RCBTB2: variants seen among roughly 807,000 people sequenced by gnomAD.
The protein encoded by RCBTB2 is RCC1 and BTB domain-containing protein 2.
Under a neutral mutation model 65.4 loss-of-function variants are expected in RCBTB2, and 55 were observed. The ratio of observed to expected loss-of-function variants is 0.84; its 90% CI spans 0.68 to 1.05. The LOEUF (loss-of-function observed/expected upper bound fraction) is 1.05, where lower values mean the gene tolerates loss of function less well. RCBTB2 is among the 50% of genes least tolerant of loss of function. RCBTB2 has a pLI of 0.00. For missense variants in RCBTB2, 599 were observed against 680.1 expected (o/e 0.88, Z 1.33); for synonymous variants, 220 against 255.2 (o/e 0.86, Z 1.31).
At chr13:48,499,142 A>ACTCT (rs568053175) in intron 13 of RCBTB2, among the ~76,000 whole-genome samples, 1,581 of 132,216 alleles carry the variant, frequency 0.012, 17 homozygotes, top group Middle Eastern at 0.029. Context: ...ACACACACAC[A>ACTCT]CTCTCTCTCT....
Position 48,515,213 on chromosome 13 carries a change from G to A in RCBTB2, c.341C>T (p.Ala114Val), listed in dbSNP as rs1566305855. ...TGGGGTTCCTAGGTTACCTGTTGTT[G>A]CAAGGACAATATGTGGACCACTCCC... The part of the protein sequence containing the change: ...SYGSGPHIVL[A>V]TTEGEVFTWG... Residue 114 changes from alanine to valine, a missense_variant, in exon 6 of 15, where the codon GCA becomes GTA. Transcript: ENST00000344532. 6.2e-7 allele frequency: 1 copy of A among 1,612,548 alleles called. No individual in the cohort carries two copies. Among genetic ancestry groups the A allele is most frequent in the Non-Finnish European group, 8.5e-7 (1 of 1,179,498 alleles).
chr13:48,496,468 A>C, intron 13 of RCBTB2, 147 bp from the exon 14 acceptor site: 1 of 723,086 alleles, frequency 1.4e-6, no homozygotes, highest in Non-Finnish European at 2.0e-6. Flanking sequence ...ACTGACACTT[A>C]CACTTCAGTG....
At chr13:48,506,626 G>C (rs981312999) in intron 10 of RCBTB2, among the ~76,000 whole-genome samples, 1 of 152,180 alleles carries the variant, frequency 6.6e-6, no homozygotes, top group Non-Finnish European at 1.5e-5. Context: ...GGCAGGTGTG[G>C]GGGCCAATGT....
At chr13:48,514,279 T>C (rs933980775) in intron 6 of RCBTB2, among the ~76,000 whole-genome samples, 4 of 152,208 alleles carry the variant, frequency 2.6e-5, no homozygotes, top group Non-Finnish European at 5.9e-5. Context: ...GGAGTGTCTA[T>C]GGCAGAGATG....
chr13:48,530,093 T>C (rs1335298065), intron 1 of RCBTB2, among the ~76,000 whole-genome samples: 4 of 152,000 alleles, frequency 2.6e-5, no homozygotes, highest in African/African-American at 9.7e-5. Flanking sequence ...GAGACAGAGT[T>C]TTGCCATGTT....
chr13:48,523,806 C>T (rs958962488), intron 2 of RCBTB2, among the ~76,000 whole-genome samples: 2 of 152,078 alleles, frequency 1.3e-5, no homozygotes, highest in African/African-American at 4.8e-5. Context: ...AGGAAATAAC[C>T]TCTTTTCAGT....
intron 12 of RCBTB2, 87 bp from the exon 13 acceptor site, chr13:48,499,847 G>GC (rs1566267659): frequency 1.4e-6 from 2 of 1,435,086 alleles, no homozygotes; most frequent in Non-Finnish European, 1.9e-6. Context: ...TCTCGAAGGT[G>GC]CACGCTGGCA....
At chr13:48,532,591 T>A (rs1376819912) in intron 1 of RCBTB2, 1 of 182,114 alleles carries the variant, frequency 5.5e-6, no homozygotes, top group Non-Finnish European at 1.2e-5. Context: ...ACACCAGACG[T>A]GGGAGCTTAG....
chr13:48,494,730 C>T (rs1949895630), intron 14 of RCBTB2, among the ~76,000 whole-genome samples: 1 of 152,194 alleles, frequency 6.6e-6, no homozygotes, highest in African/African-American at 2.4e-5. Context: ...CACTGTGATG[C>T]TCAAGAATGG....
chr13:48,527,361 T>TATA, intron 1 of RCBTB2, among the ~76,000 whole-genome samples: 6 of 112,446 alleles, frequency 5.3e-5, no homozygotes, highest in African/African-American at 3.3e-4. Context: ...TGATATATAT[T>TATA]TATATATGAT....
chr13:48,533,133 CG>C, upstream of RCBTB2: 1 of 404,462 alleles, frequency 2.5e-6, no homozygotes, highest in Admixed American at 2.7e-5. Flanking sequence ...TGAAACGGCC[CG>C]GCCTCGGCGG....
intron 14 of RCBTB2, among the ~76,000 whole-genome samples, chr13:48,493,419 G>A (rs1949833719): frequency 6.6e-6 from 1 of 151,032 alleles, no homozygotes; most frequent in South Asian, 2.1e-4. Flanking sequence ...GGAGGCAGGA[G>A]GATTACTTCA....
At chr13:48,534,837 C>G (rs1451490251), upstream of RCBTB2, among the ~76,000 whole-genome samples, 2 of 152,202 alleles carry the variant, frequency 1.3e-5, no homozygotes, top group Non-Finnish European at 2.9e-5. Flanking sequence ...AATTTAGACT[C>G]TGAGAGAGTA....
intron 12 of RCBTB2, 80 bp from the exon 13 acceptor site, chr13:48,499,840 C>T (rs548031898): frequency 4.2e-5 from 64 of 1,523,264 alleles, no homozygotes; most frequent in Admixed American, 5.3e-5. Context: ...GTTCTTCTCT[C>T]GAAGGTGCAC....
chr13:48,522,191 G>C, intron 3 of RCBTB2, 117 bp downstream of exon 3: 1 of 760,700 alleles, frequency 1.3e-6, no homozygotes, highest in Non-Finnish European at 2.2e-6. Flanking sequence ...TCTTCCTGCT[G>C]AGGTCTGAAA....
rs777596415 is a variant in RCBTB2 at position 48,521,976 on chromosome 13, A to T, written c.-23-14T>A. On this transcript the variant is annotated splice_polypyrimidine_tract_variant and intron_variant, in intron 3 of 14. Transcript: ENST00000344532. ...CCTGGGCAGTCCCTGAGGAAAAAGTATGTGGTAAAATCAGGATCCCTTATG... is the reference window on the plus strand; with the variant it reads ...CCTGGGCAGTCCCTGAGGAAAAAGTTTGTGGTAAAATCAGGATCCCTTATG... 3 of 1,610,790 alleles carry T rather than the reference A, an allele frequency of 1.9e-6. No individual in the cohort carries two copies. Among genetic ancestry groups the T allele is most frequent in the Non-Finnish European group, 2.5e-6 (3 of 1,178,252 alleles).
At chr13:48,504,378 T>C (rs1402923630) in intron 10 of RCBTB2, 1 of 969,116 alleles carries the variant, frequency 1.0e-6, no homozygotes, top group Non-Finnish European at 1.2e-6. Context: ...CAAGTCAATT[T>C]TGTCCACACA....
chr13:48,530,061 T>C (rs529148709), intron 1 of RCBTB2, among the ~76,000 whole-genome samples: 30 of 152,200 alleles, frequency 2.0e-4, no homozygotes, highest in African/African-American at 7.0e-4. Context: ...TGGCTCATTT[T>C]TTTTTTGTTC....
At position 48,515,307 on chromosome 13, in the gene RCBTB2, C is replaced by T. The variant is rs572239977; in HGVS notation, c.247G>A (p.Val83Ile). 4.4e-5 allele frequency: 71 copies of T among 1,613,964 alleles called. 2 individuals carry two copies. The highest frequency in any genetic ancestry group is 1.1e-4 in the South Asian group (10 of 91,074). ...NCCGCLGLGDVQSTIEPRRLD... is the reference protein window; with the variant it reads ...NCCGCLGLGDIQSTIEPRRLD... ...CTCCGAGGTTCAATGGTGCTCTGGA[C>T]GTCACCTAACCCCAAACAGCCACAG... The change falls in exon 6 of 15, where the codon GTC becomes ATC. Residue 83 changes from valine (V) to isoleucine (I), a missense_variant. Val to Ile is a conservative substitution (Grantham distance 29, BLOSUM62 3). Coordinates refer to ENST00000344532, the MANE Select transcript of RCBTB2 (RefSeq NM_001268.4).
Sources: gnomAD v4.1 joint callset for allele counts (sites outside exome capture counted in the v4.1 genomes callset) on GRCh38, gnomAD v4.1.1 for gene constraint, MANE v1.5 for transcripts, NCBI Gene and HGNC (gene_info 2026-07-23, HGNC 2026-07-21) for gene names.